CHD8: variants seen among roughly 807,000 people sequenced by gnomAD.
CHD8 encodes the protein chromodomain helicase DNA binding protein 8.
Under a neutral mutation model 279.2 loss-of-function variants are expected in CHD8, and 31 were observed. The ratio of observed to expected loss-of-function variants is 0.11; its 90% CI spans 0.08 to 0.15. The LOEUF is 0.15. Ranked by LOEUF, CHD8 falls within the 10% of genes least tolerant of loss-of-function variation. The pLI is 1.00. For synonymous variants in CHD8, 1,081 were observed against 1,139.6 expected (o/e 0.95, Z 1.04); for missense variants, 2,146 against 3,230.5 (o/e 0.66, Z 8.14).
intron 37 of CHD8, among the ~76,000 whole-genome samples, chr14:21,386,644 T>C (rs1201925677): frequency 2.6e-5 from 4 of 152,012 alleles, no homozygotes; most frequent in South Asian, 2.1e-4. Context: ...GAGACCATCC[T>C]GGCTAACACG....
rs764820601 is a variant in CHD8 at position 21,409,915 on chromosome 14, A to G, written c.2300T>C (p.Val767Ala). Reference sequence around the variant, plus strand: ...AAATTCTCGAATCTTGCCCTCATCAACATCTTCTTTTAGCTCCCATGTGCT... The same window carrying G: ...AAATTCTCGAATCTTGCCCTCATCAGCATCTTCTTTTAGCTCCCATGTGCT... Reference protein sequence around the residue: ...EDSTWELKEDVDEGKIREFKR... With the variant: ...EDSTWELKEDADEGKIREFKR... The change falls in exon 11 of 38, where the codon GTT becomes GCT. Residue 767 changes from valine to alanine, a missense_variant. Around this residue, in one of 26 missense-constraint regions of CHD8, gnomAD observed 211 missense variants for 464.7 expected, o/e 0.45. Coordinates refer to ENST00000646647, the MANE Select transcript of CHD8 (RefSeq NM_001170629.2). The G allele has an allele frequency of 6.2e-7, 1 of 1,613,858 alleles. No individual in the cohort carries two copies.
intron 26 of CHD8, 72 bp from the exon 27 acceptor site, chr14:21,398,024 G>A: frequency 1.5e-6 from 2 of 1,379,066 alleles, no homozygotes; most frequent in South Asian, 2.7e-5. Flanking sequence ...ATATGCTGCT[G>A]GAATAATTAG....
intron 1 of CHD8, among the ~76,000 whole-genome samples, chr14:21,435,044 CTTTTATCATA>C (rs925701516): frequency 1.5e-4 from 23 of 152,364 alleles, no homozygotes; most frequent in African/African-American, 5.5e-4. Flanking sequence ...GTCACACCAA[CTTTTATCATA>C]TTAAGAATGA....
At chr14:21,415,063 A>G in intron 7 of CHD8, 70 bp from the exon 8 acceptor site, 1 of 997,310 alleles carries the variant, frequency 1.0e-6, no homozygotes. Context: ...AATTTTAACC[A>G]CACATTGCAG....
At chr14:21,455,205 C>G (rs1205223261) in intron 1 of CHD8, 1 of 152,210 alleles carries the variant, frequency 6.6e-6, no homozygotes, top group Non-Finnish European at 1.5e-5. Context: ...CTTAGCCATA[C>G]GAAAGAGATG....
At chr14:21,447,181 T>C (rs964390667) in intron 1 of CHD8, among the ~76,000 whole-genome samples, 1 of 152,218 alleles carries the variant, frequency 6.6e-6, no homozygotes, top group African/African-American at 2.4e-5. Context: ...TTTTAGTAGC[T>C]GTAGCAGACA....
At chr14:21,424,354 A>G (rs543998536) in intron 5 of CHD8, among the ~76,000 whole-genome samples, 1 of 152,258 alleles carries the variant, frequency 6.6e-6, no homozygotes, top group Non-Finnish European at 1.5e-5. Context: ...ACTGTGTTTT[A>G]TTAATCTGTT....
chr14:21,436,907 A>T, intron 1 of CHD8: 1 of 1,283,252 alleles, frequency 7.8e-7, no homozygotes, highest in Non-Finnish European at 1.0e-6. Flanking sequence ...TTACCTGCTC[A>T]TACTGCCGGG....
rs992446349 is a variant in CHD8 at position 21,414,946 on chromosome 14, G to A, written c.2016C>T (p.Tyr672=). ...TTGCACAGATCACGTACTAGTTCTT[G>A]TACTTGACAAAGAATTCTTCTGCTT... ...YTEAEEFFVK[Y]KNYSYLHCEW... is the part of the protein sequence containing the mutation. The change falls in exon 8 of 38, where the codon TAC becomes TAT. Residue 672 remains tyrosine (Y), a synonymous_variant. Coordinates refer to ENST00000646647, the MANE Select transcript of CHD8 (RefSeq NM_001170629.2). The A allele has an allele frequency of 6.9e-6, 11 of 1,602,070 alleles. No homozygotes were observed. The Admixed American group carries it at 1.2e-4, about 17-fold the overall frequency.
At chr14:21,432,202 T>G (rs1889592772) in intron 1 of CHD8, among the ~76,000 whole-genome samples, 1 of 152,218 alleles carries the variant, frequency 6.6e-6, no homozygotes. Context: ...TTTCAGTTTT[T>G]AAGTTAGTAG....
At chr14:21,424,238 C>T (rs1402069448) in intron 5 of CHD8, among the ~76,000 whole-genome samples, 1 of 152,028 alleles carries the variant, frequency 6.6e-6, no homozygotes, top group Non-Finnish European at 1.5e-5. Flanking sequence ...AATGGTTAGC[C>T]AGCTGTCCCA....
intron 1 of CHD8, among the ~76,000 whole-genome samples, chr14:21,438,528 AAAAG>A (rs1398400821): frequency 1.3e-4 from 19 of 150,206 alleles, no homozygotes; most frequent in African/African-American, 3.4e-4. Context: ...AAAAAAAAAA[AAAAG>A]AAAGAAAGAA....
chr14:21,446,256 A>T (rs997255073), intron 1 of CHD8, among the ~76,000 whole-genome samples: 1 of 151,948 alleles, frequency 6.6e-6, no homozygotes, highest in Non-Finnish European at 1.5e-5. Flanking sequence ...CTGAATGTAC[A>T]TTACATGCCA....
chr14:21,397,402 CAT>C (rs779512093), intron 27 of CHD8: 1 of 515,974 alleles, frequency 1.9e-6, no homozygotes, highest in Non-Finnish European at 3.9e-6. Context: ...ATCATTGGGA[CAT>C]GTTTTCAGGC....
intron 1 of CHD8, among the ~76,000 whole-genome samples, chr14:21,451,763 C>T (rs1241770611): frequency 6.6e-6 from 1 of 151,836 alleles, no homozygotes; most frequent in Non-Finnish European, 1.5e-5. Flanking sequence ...CTTCATGTAA[C>T]ATTAACAAAC....
At chr14:21,442,224 T>C (rs1889994583) in intron 1 of CHD8, among the ~76,000 whole-genome samples, 1 of 151,986 alleles carries the variant, frequency 6.6e-6, no homozygotes, top group South Asian at 2.1e-4. Flanking sequence ...ATCCCATCAC[T>C]GGGAGGCGGA....
In CHD8 at chr14:21,394,953, G is replaced by A. The variant is rs1214781291; in HGVS notation, c.5349C>T (p.Ala1783=). The change falls in exon 30 of 38, where the codon GCC becomes GCT. Residue 1783 remains alanine (A), a synonymous_variant. Coordinates refer to ENST00000646647, the MANE Select transcript of CHD8 (RefSeq NM_001170629.2). ...GDRRRRRCEA[A]FKLKEIARRE... ...GCCGTGCAATTTCTTTCAGCTTGAAGGCTGCTTCACAACGCCGCCTTCGCC... is the reference window on the plus strand; with the variant it reads ...GCCGTGCAATTTCTTTCAGCTTGAAAGCTGCTTCACAACGCCGCCTTCGCC... The A allele has an allele frequency of 1.9e-6, 3 of 1,613,868 alleles. No individual in the cohort carries two copies. In the East Asian group the frequency reaches 6.7e-5, roughly 36 times the overall value.
At chr14:21,386,314 A>C (rs775224563) in intron 37 of CHD8, 138 bp from the exon 38 acceptor site, 26 of 739,186 alleles carry the variant, frequency 3.5e-5, no homozygotes, top group Middle Eastern at 3.9e-4. Context: ...CAGCGATACT[A>C]GGCTTGATTG....
chr14:21,418,839 T>C (rs1249315528), intron 5 of CHD8, among the ~76,000 whole-genome samples: 2 of 151,866 alleles, frequency 1.3e-5, no homozygotes, highest in Admixed American at 6.6e-5. Flanking sequence ...AATAAATAAA[T>C]AAAGTTCAAA....
Sources: gnomAD v4.1 joint callset for allele counts (sites outside exome capture counted in the v4.1 genomes callset) on GRCh38, gnomAD v4.1.1 for gene constraint, gnomAD v4.1.1 regional missense constraint, MANE v1.5 for transcripts, NCBI Gene and HGNC (gene_info 2026-07-23, HGNC 2026-07-21) for gene names.